ZFPM2: variants seen among roughly 807,000 people sequenced by gnomAD.
The protein encoded by ZFPM2 is zinc finger protein ZFPM2.
Under a neutral mutation model 98.6 loss-of-function variants are expected in ZFPM2, and 20 were observed. That is an observed-to-expected ratio of 0.20 (90% confidence interval 0.14 to 0.29). The LOEUF is 0.29. Among genes scored for constraint, ZFPM2 ranks in the 10% least tolerant of loss-of-function variants. The pLI is 1.00. For synonymous variants in ZFPM2, 518 were observed against 502.7 expected (o/e 1.03, Z -0.41); for missense variants, 1,310 against 1,388.6 (o/e 0.94, Z 0.90).
At chr8:105,387,919 A>T (rs1811033951) in intron 1 of ZFPM2, 1 of 152,246 alleles carries the variant, frequency 6.6e-6, no homozygotes, top group Non-Finnish European at 1.5e-5. Flanking sequence ...GCCCTGGAAA[A>T]ACTAATGTAA....
intron 5 of ZFPM2, among the ~76,000 whole-genome samples, chr8:105,698,824 G>T (rs917901046): frequency 6.6e-6 from 1 of 152,142 alleles, no homozygotes; most frequent in African/African-American, 2.4e-5. Flanking sequence ...ATGTTGTTTA[G>T]ATTACCTGCA....
chr8:105,525,401 G>C (rs1814153774), intron 3 of ZFPM2, among the ~76,000 whole-genome samples: 1 of 152,104 alleles, frequency 6.6e-6, no homozygotes, highest in Non-Finnish European at 1.5e-5. Flanking sequence ...AAAGGTGAGG[G>C]GGCTATTCCG....
At chr8:105,345,145 C>T (rs1340344076) in intron 1 of ZFPM2, among the ~76,000 whole-genome samples, 1 of 152,046 alleles carries the variant, frequency 6.6e-6, no homozygotes, top group Non-Finnish European at 1.5e-5. Flanking sequence ...ACTGCCTTGA[C>T]ATCATAAGTA....
rs546712329 is a variant in ZFPM2, at chr8:105,665,999, T to A, written c.532+31642T>A. The stretch of plus-strand genomic sequence containing the variant: ...TAATTATTCAAAATTAAGGAGATGC[T>A]TAAGTGAATTGTATTAATTGTTATT... On this transcript the variant is annotated intron_variant, in intron 5 of 7. Coordinates refer to ENST00000407775, the MANE Select transcript of ZFPM2 (RefSeq NM_012082.4). Among the ~76,000 whole-genome samples the A allele has an allele frequency of 4.3e-4, 65 of 152,330 alleles. 1 individual carries two copies. Among genetic ancestry groups the A allele is most frequent in the Middle Eastern group, 6.8e-3 (2 of 294 alleles).
intron 1 of ZFPM2, among the ~76,000 whole-genome samples, chr8:105,393,378 C>CTTTCTTTCTTTCTTTCTTTCTTTCT (rs1563637982): frequency 3.5e-5 from 4 of 112,698 alleles, no homozygotes; most frequent in African/African-American, 1.0e-4. Context: ...TTCTTTCTTT[C>CTTTCTTTCTTTCTTTCTTTCTTTCT]TTTCTTTCTT....
At chr8:105,785,518 C>G (rs1435602580) in intron 5 of ZFPM2, among the ~76,000 whole-genome samples, 1 of 152,140 alleles carries the variant, frequency 6.6e-6, no homozygotes, top group East Asian at 1.9e-4. Context: ...TTTCTCAAGT[C>G]TAAAGTTAGG....
chr8:105,544,935 C>T lies in ZFPM2; in HGVS notation c.302-16428C>T, dbSNP rs1814660476. Among the ~76,000 whole-genome samples the T allele has an allele frequency of 5.9e-5, 9 of 152,066 alleles. No homozygotes were observed. The South Asian group carries it at 1.9e-3, about 32-fold the overall frequency. On this transcript the variant is annotated intron_variant, in intron 3 of 7. Transcript: ENST00000407775. ...GTAAATACATTCATTGTGTAGTAGC[C>T]TTGATTTGCTTTTACTTTGTTGGCT...
At chr8:105,466,806 G>C (rs1812804068) in intron 3 of ZFPM2, among the ~76,000 whole-genome samples, 1 of 151,236 alleles carries the variant, frequency 6.6e-6, no homozygotes, top group Admixed American at 6.6e-5. Flanking sequence ...GAAGTTTTTT[G>C]TTCAAGGATA....
intron 3 of ZFPM2, among the ~76,000 whole-genome samples, chr8:105,549,346 C>G (rs139344030): frequency 6.6e-6 from 1 of 152,270 alleles, no homozygotes; most frequent in Non-Finnish European, 1.5e-5. Flanking sequence ...AAAGCGAGGG[C>G]ATGAGATTTT....
chr8:105,603,557 T>A (rs1269415040), intron 4 of ZFPM2, among the ~76,000 whole-genome samples: 1 of 152,130 alleles, frequency 6.6e-6, no homozygotes, highest in Non-Finnish European at 1.5e-5. Flanking sequence ...ATGATTAGCC[T>A]TATCAGTATT....
chr8:105,503,507 G>C (rs1299294095), intron 3 of ZFPM2, among the ~76,000 whole-genome samples: 1 of 152,134 alleles, frequency 6.6e-6, no homozygotes, highest in African/African-American at 2.4e-5. Flanking sequence ...AAAGACCATG[G>C]GAATGAGACA....
At chr8:105,420,752 A>C (rs1322088626) in intron 2 of ZFPM2, among the ~76,000 whole-genome samples, 1 of 151,948 alleles carries the variant, frequency 6.6e-6, no homozygotes, top group Non-Finnish European at 1.5e-5. Context: ...AGACATCTCA[A>C]TTTTTTTTCT....
At chr8:105,350,261 G>A (rs1261443713) in intron 1 of ZFPM2, among the ~76,000 whole-genome samples, 2 of 152,114 alleles carry the variant, frequency 1.3e-5, no homozygotes, top group East Asian at 1.9e-4. Flanking sequence ...AGCCACCTTC[G>A]GAGAGTCTGT....
chr8:105,479,235 A>G (rs1813069171), intron 3 of ZFPM2, among the ~76,000 whole-genome samples: 1 of 152,192 alleles, frequency 6.6e-6, no homozygotes, highest in Non-Finnish European at 1.5e-5. Flanking sequence ...TGTCATTTCG[A>G]GAAAACTAAC....
At chr8:105,700,743 G>A (rs1430129262) in intron 5 of ZFPM2, among the ~76,000 whole-genome samples, 3 of 151,832 alleles carry the variant, frequency 2.0e-5, no homozygotes, top group South Asian at 2.1e-4. Flanking sequence ...TTACAGCCGC[G>A]CACCACCACG....
chr8:105,610,620 T>A (rs1370466390), intron 4 of ZFPM2, among the ~76,000 whole-genome samples: 1 of 152,132 alleles, frequency 6.6e-6, no homozygotes, highest in Non-Finnish European at 1.5e-5. Context: ...TATTGTATAT[T>A]GGGGGCTCTG....
At chr8:105,745,465 A>C (rs1812321953) in intron 5 of ZFPM2, among the ~76,000 whole-genome samples, 1 of 152,088 alleles carries the variant, frequency 6.6e-6, no homozygotes, top group Non-Finnish European at 1.5e-5. Flanking sequence ...ACAACTTACT[A>C]ATATTATCTT....
At chr8:105,507,551 G>T (rs1230893725) in intron 3 of ZFPM2, among the ~76,000 whole-genome samples, 2 of 152,220 alleles carry the variant, frequency 1.3e-5, no homozygotes, top group African/African-American at 4.8e-5. Flanking sequence ...AAATTCAAAT[G>T]TGAAAATACA....
At chr8:105,383,358 C>G (rs1300341923) in intron 1 of ZFPM2, among the ~76,000 whole-genome samples, 2 of 152,144 alleles carry the variant, frequency 1.3e-5, no homozygotes, top group Non-Finnish European at 2.9e-5. Flanking sequence ...GGCTTCTAGT[C>G]ATAGAAAGCA....
Sources: allele counts gnomAD v4.1 joint callset (sites outside exome capture counted in the v4.1 genomes callset), GRCh38; gene constraint gnomAD v4.1.1; transcripts MANE v1.5; gene names NCBI Gene and HGNC (gene_info 2026-07-23, HGNC 2026-07-21).